Variants in NALCN observed in about 807,000 individuals in gnomAD.
The protein encoded by NALCN is sodium leak channel NALCN.
In NALCN, 111 loss-of-function variants were observed where a neutral mutation model predicts 225.3. The observed-to-expected ratio is 0.49, with a 90% CI of 0.42 to 0.58. The LOEUF (loss-of-function observed/expected upper bound fraction) is 0.58. NALCN is among the 20% of genes least tolerant of loss of function. NALCN has a pLI of 0.00. For missense variants in NALCN, 1,378 were observed against 2,202.4 expected (o/e 0.63, Z 7.49); for synonymous variants, 764 against 769.0 (o/e 0.99, Z 0.11).
At chr13:101,065,611 A>G in intron 39 of NALCN, 50 bp from the exon 40 acceptor site, 1 of 1,570,356 alleles carries the variant, frequency 6.4e-7, no homozygotes, top group South Asian at 1.2e-5. Context: ...TCGATGATTC[A>G]CTTGGGTTTC....
intron 15 of NALCN, among the ~76,000 whole-genome samples, chr13:101,160,610 T>G (rs1377693546): frequency 6.6e-6 from 1 of 152,220 alleles, no homozygotes; most frequent in Non-Finnish European, 1.5e-5. Flanking sequence ...CTCTGTAATA[T>G]GCAGGTGAGT....
Position 101,235,488 on chromosome 13 carries a change from C to T in NALCN, c.1434+2267G>A, listed in dbSNP as rs533584392. 6.4e-4 allele frequency among the ~76,000 whole-genome samples: 92 copies of T among 143,390 alleles called. 1 individual carries two copies. The highest frequency in any genetic ancestry group is 2.2e-3 in the African/African-American group (91 of 40,780). The allele number at this position is 143,390 out of a possible 152,430, so 94.1% of individuals were successfully genotyped here. A position where few individuals can be genotyped will look rare whatever the true frequency, so the allele number is the denominator to read the frequency against. ...TCTCTATAATTATGTGCAATGATGC[C>T]CTAAGGTAGGTACTCAATGGCCATG... On this transcript the variant is annotated intron_variant, in intron 12 of 43. Transcript: ENST00000251127.
chr13:101,391,554 C>T (rs1257460347), intron 3 of NALCN, among the ~76,000 whole-genome samples: 1 of 152,086 alleles, frequency 6.6e-6, no homozygotes, highest in East Asian at 1.9e-4. Context: ...CATGGTGGCA[C>T]ACACCTGTAG....
intron 15 of NALCN, among the ~76,000 whole-genome samples, chr13:101,170,365 C>T (rs2139910027): frequency 6.6e-6 from 1 of 152,190 alleles, no homozygotes; most frequent in African/African-American, 2.4e-5. Flanking sequence ...CTATCTGGGA[C>T]CTCAAAGCTT....
At chr13:101,085,735 T>G (rs1014721543) in intron 30 of NALCN, among the ~76,000 whole-genome samples, 10 of 152,176 alleles carry the variant, frequency 6.6e-5, no homozygotes, top group African/African-American at 2.4e-4. Context: ...TATCTGAAAT[T>G]CAAATAAAAA....
At chr13:101,403,720 C>T (rs916824617) in intron 1 of NALCN, among the ~76,000 whole-genome samples, 5 of 152,186 alleles carry the variant, frequency 3.3e-5, no homozygotes, top group Admixed American at 1.3e-4. Flanking sequence ...AACTTTTGTG[C>T]ATAAACTGTG....
At chr13:101,072,468 ACC>A (rs1171263102) in intron 37 of NALCN, among the ~76,000 whole-genome samples, 14 of 152,202 alleles carry the variant, frequency 9.2e-5, no homozygotes, top group African/African-American at 3.4e-4. Context: ...AAATGCCGAC[ACC>A]TCTGAGAGAA....
intron 6 of NALCN, among the ~76,000 whole-genome samples, chr13:101,360,554 G>A (rs2046223564): frequency 6.6e-6 from 1 of 151,958 alleles, no homozygotes. Context: ...TTTCTTTATA[G>A]CAATGAAAGA....
chr13:101,225,378 A>G (rs1337813552), intron 13 of NALCN, among the ~76,000 whole-genome samples: 1 of 152,060 alleles, frequency 6.6e-6, no homozygotes, highest in East Asian at 1.9e-4. Flanking sequence ...CTCCTAATCA[A>G]TCTTCACCTG....
At chr13:101,136,749 G>A (rs2139758541) in intron 17 of NALCN, among the ~76,000 whole-genome samples, 1 of 152,322 alleles carries the variant, frequency 6.6e-6, no homozygotes. Context: ...ATTGTGAACA[G>A]TGCTGCAATA....
At chr13:101,267,241 A>G (rs780972683) in intron 10 of NALCN, among the ~76,000 whole-genome samples, 18 of 152,186 alleles carry the variant, frequency 1.2e-4, no homozygotes, top group Non-Finnish European at 1.9e-4. Context: ...CAACAAACAC[A>G]TGTGGATGTT....
At chr13:101,384,779 C>G (rs2046941836) in intron 3 of NALCN, among the ~76,000 whole-genome samples, 1 of 152,148 alleles carries the variant, frequency 6.6e-6, no homozygotes, top group South Asian at 2.1e-4. Flanking sequence ...ATGCTTCCAG[C>G]AAGAGGAATT....
At chr13:101,303,680 C>T (rs1483265479) in intron 7 of NALCN, among the ~76,000 whole-genome samples, 1 of 152,142 alleles carries the variant, frequency 6.6e-6, no homozygotes, top group East Asian at 1.9e-4. Flanking sequence ...AGCCAGAGAG[C>T]TTTGGGCAGC....
rs1300769774 is a variant in NALCN at position 101,229,505 on chromosome 13, T to G, written c.1514A>C (p.Lys505Thr). The part of the protein sequence containing the change: ...FVYKIFGPGK[K>T]LGSLVVFTAS... ...AGTAAATACAACCAAACTCCCAAGC[T>G]TTTTTCCAGGACCAAATATCTTGTA... The change falls in exon 13 of 44, where the codon AAG becomes ACG. Residue 505 changes from lysine (K) to threonine (T), a missense_variant. Physicochemically the swap from Lys to Thr is moderately conservative, Grantham distance 78. Transcript: ENST00000251127. The G allele has an allele frequency of 6.2e-7, 1 of 1,611,738 alleles. No homozygotes were observed. The highest frequency in any genetic ancestry group is 8.5e-7 in the Non-Finnish European group (1 of 1,179,072).
Position 101,304,716 on chromosome 13 carries a change from G to A in NALCN, c.800-12350C>T, listed in dbSNP as rs531470783. On this transcript the variant is annotated intron_variant, in intron 7 of 43. Transcript: ENST00000251127. ...GCCACCTAAAGTGTTGGGATTACAG[G>A]TGTGAGCCACCACACCTGGCCTGGA... 4.6e-5 allele frequency among the ~76,000 whole-genome samples: 7 copies of A among 151,678 alleles called. No individual in the cohort carries two copies. In the East Asian group the frequency reaches 1.4e-3, roughly 29 times the overall value.
chr13:101,290,286 A>G (rs993514310), intron 9 of NALCN, among the ~76,000 whole-genome samples: 14 of 152,180 alleles, frequency 9.2e-5, no homozygotes, highest in African/African-American at 3.4e-4. Context: ...TAAACATACT[A>G]TGGTTTTAAA....
At chr13:101,367,287 C>T (rs2139385711) in intron 6 of NALCN, among the ~76,000 whole-genome samples, 1 of 152,076 alleles carries the variant, frequency 6.6e-6, no homozygotes, top group African/African-American at 2.4e-5. Context: ...AAGGTATTAT[C>T]CTGCCTTAAT....
chr13:101,154,907 T>G (rs190038004), intron 15 of NALCN, among the ~76,000 whole-genome samples: 1 of 152,202 alleles, frequency 6.6e-6, no homozygotes, highest in East Asian at 1.9e-4. Flanking sequence ...AGAAACAAAA[T>G]CACAAAAAGC....
At chr13:101,259,832 G>T (rs1240826794) in intron 10 of NALCN, among the ~76,000 whole-genome samples, 1 of 150,626 alleles carries the variant, frequency 6.6e-6, no homozygotes, top group Non-Finnish European at 1.5e-5. Flanking sequence ...ATGCAATGGG[G>T]AATAAGCATA....
Sources: allele counts gnomAD v4.1 joint callset (sites outside exome capture counted in the v4.1 genomes callset), GRCh38; gene constraint gnomAD v4.1.1; transcripts MANE v1.5; gene names NCBI Gene and HGNC (gene_info 2026-07-23, HGNC 2026-07-21).